The following ADCY8 variants were observed in gnomAD, a reference collection of about 807,000 sequenced individuals.
ADCY8 encodes the protein adenylate cyclase type 8.
Under a neutral mutation model 119.7 loss-of-function variants are expected in ADCY8, and 51 were observed. That is an observed-to-expected ratio of 0.43 (90% confidence interval 0.34 to 0.54). ADCY8 has a LOEUF of 0.54. Among genes scored for constraint, ADCY8 ranks in the 20% least tolerant of loss-of-function variants. The pLI is 0.03. For synonymous variants in ADCY8, 665 were observed against 651.0 expected (o/e 1.02, Z -0.33); for missense variants, 1,383 against 1,598.8 (o/e 0.87, Z 2.30).
intron 15 of ADCY8, among the ~76,000 whole-genome samples, chr8:130,787,291 T>A (rs879307211): frequency 1.3e-5 from 2 of 152,076 alleles, no homozygotes; most frequent in Non-Finnish European, 2.9e-5. Flanking sequence ...GCAATGACAA[T>A]GGCTTGGGTT....
intron 9 of ADCY8, among the ~76,000 whole-genome samples, chr8:130,861,030 G>C (rs1605901): frequency 0.45 from 68,173 of 152,042 alleles, 15,501 homozygotes; most frequent in African/African-American, 0.52. Flanking sequence ...ATTTGTGTGG[G>C]TGTATTTTGG....
chr8:130,846,831 C>T (rs1313666361), intron 11 of ADCY8, among the ~76,000 whole-genome samples: 5 of 70,684 alleles, frequency 7.1e-5, no homozygotes, highest in South Asian at 8.3e-4. Flanking sequence ...CCTTCCTTCC[C>T]TCCCCTCCCC....
At chr8:130,853,378 C>T (rs940162489) in intron 9 of ADCY8, among the ~76,000 whole-genome samples, 14 of 152,148 alleles carry the variant, frequency 9.2e-5, no homozygotes, top group South Asian at 6.2e-4. Flanking sequence ...TGGTGGAGTG[C>T]GTTGGTTTAA....
chr8:130,798,886 G>A (rs796955584), intron 15 of ADCY8, among the ~76,000 whole-genome samples: 4 of 151,888 alleles, frequency 2.6e-5, no homozygotes, highest in South Asian at 2.1e-4. Context: ...ACACACACAC[G>A]CATGCACACA....
intron 4 of ADCY8, among the ~76,000 whole-genome samples, chr8:130,941,639 A>C (rs1315994817): frequency 1.3e-5 from 2 of 151,998 alleles, no homozygotes; most frequent in Non-Finnish European, 2.9e-5. Context: ...AGGATCCCTC[A>C]GTTTCCACTT....
chr8:130,944,370 C>T (rs1183435632), intron 3 of ADCY8, among the ~76,000 whole-genome samples: 1 of 152,198 alleles, frequency 6.6e-6, no homozygotes, highest in East Asian at 1.9e-4. Context: ...GATCATTTCT[C>T]ATTTTTCATC....
At chr8:130,849,969 G>T (rs964430281) in intron 9 of ADCY8, among the ~76,000 whole-genome samples, 166 bp from the exon 10 acceptor site, 5 of 152,150 alleles carry the variant, frequency 3.3e-5, no homozygotes, top group Non-Finnish European at 5.9e-5. Flanking sequence ...AAAATTACAT[G>T]CATCCCTAGA....
chr8:130,872,350 ACT>A (rs1289375972), intron 8 of ADCY8, among the ~76,000 whole-genome samples: 3 of 152,174 alleles, frequency 2.0e-5, no homozygotes, highest in African/African-American at 7.2e-5. Context: ...TAACTGAGTA[ACT>A]CAACCACACC....
intron 1 of ADCY8, among the ~76,000 whole-genome samples, chr8:131,004,864 G>T (rs71522600): frequency 0.024 from 3,711 of 152,238 alleles, 49 homozygotes; most frequent in East Asian, 0.056. Flanking sequence ...GAAGGGAAGT[G>T]CACTTCTTCC....
intron 1 of ADCY8, among the ~76,000 whole-genome samples, chr8:131,016,782 C>T (rs888538063): frequency 6.6e-6 from 1 of 152,074 alleles, no homozygotes. Flanking sequence ...GGGACACTGG[C>T]TCGACCCGGC....
intron 15 of ADCY8, among the ~76,000 whole-genome samples, chr8:130,795,786 TG>T (rs1482610721): frequency 6.6e-6 from 1 of 151,920 alleles, no homozygotes; most frequent in Non-Finnish European, 1.5e-5. Context: ...CTTTGGTGTG[TG>T]TGTGTGTGTG....
rs1288928782 is a variant in ADCY8 at position 130,849,809 on chromosome 8, G to A, written c.2211-6C>T. The A allele has an allele frequency of 1.2e-6, 2 of 1,609,646 alleles. No individual in the cohort carries two copies. The highest frequency in any genetic ancestry group is 8.5e-7 in the Non-Finnish European group (1 of 1,177,916). On this transcript the variant is annotated splice_polypyrimidine_tract_variant and splice_region_variant and intron_variant, in intron 9 of 17. Transcript: ENST00000286355. ...GGATGGTCATTGGCATCACTCTGCA[G>A]GGAAACACAGAATGTTGGGTCATTG...
intron 14 of ADCY8, among the ~76,000 whole-genome samples, chr8:130,806,268 G>A (rs1586431395): frequency 6.6e-6 from 1 of 152,180 alleles, no homozygotes; most frequent in East Asian, 1.9e-4. Context: ...GCTCCTCTGT[G>A]CCATGACTGG....
At chr8:130,856,838 G>A (rs72712484) in intron 9 of ADCY8, among the ~76,000 whole-genome samples, 14,004 of 148,672 alleles carry the variant, frequency 0.094, 695 homozygotes, top group African/African-American at 0.11. Flanking sequence ...TTTTTTTTTT[G>A]TCTTGAGATT....
chr8:130,928,414 C>T (rs1820534783), intron 5 of ADCY8, among the ~76,000 whole-genome samples: 1 of 152,160 alleles, frequency 6.6e-6, no homozygotes, highest in Non-Finnish European at 1.5e-5. Flanking sequence ...CTGGGTTTGT[C>T]ATATACATGG....
intron 2 of ADCY8, among the ~76,000 whole-genome samples, chr8:130,976,943 A>T (rs924922032): frequency 6.6e-6 from 1 of 152,186 alleles, no homozygotes; most frequent in Non-Finnish European, 1.5e-5. Flanking sequence ...AAGTGAGGAG[A>T]CTGAAGCTCA....
chr8:130,994,727 T>C (rs1822712295), intron 1 of ADCY8, among the ~76,000 whole-genome samples: 1 of 152,230 alleles, frequency 6.6e-6, no homozygotes, highest in South Asian at 2.1e-4. Flanking sequence ...CATTTTTTAC[T>C]AAACATTATT....
At chr8:131,001,853 G>A (rs554801425) in intron 1 of ADCY8, among the ~76,000 whole-genome samples, 8 of 151,998 alleles carry the variant, frequency 5.3e-5, no homozygotes, top group Non-Finnish European at 1.2e-4. Flanking sequence ...TATATTTACG[G>A]TGCTTTACAA....
chr8:130,807,184 G>A (rs1815991485), intron 14 of ADCY8, among the ~76,000 whole-genome samples: 1 of 152,186 alleles, frequency 6.6e-6, no homozygotes, highest in African/African-American at 2.4e-5. Flanking sequence ...CTCTCTGCCT[G>A]GGGAACTATA....
Sources: gnomAD v4.1 joint callset for allele counts (sites outside exome capture counted in the v4.1 genomes callset) on GRCh38, gnomAD v4.1.1 for gene constraint, MANE v1.5 for transcripts, NCBI Gene and HGNC (gene_info 2026-07-23, HGNC 2026-07-21) for gene names.